Variants in PAPPA observed in about 807,000 individuals in gnomAD.
The protein encoded by PAPPA is pappalysin-1.
In PAPPA, 60 loss-of-function variants were observed where a neutral mutation model predicts 164.0. That is an observed-to-expected ratio of 0.37 (90% confidence interval 0.30 to 0.45). The LOEUF (loss-of-function observed/expected upper bound fraction) is 0.45. PAPPA is among the 20% of genes least tolerant of loss of function. The pLI is 1.00. For synonymous variants in PAPPA, 875 were observed against 814.1 expected, an observed-to-expected ratio of 1.07 and a Z score of -1.27; for missense variants, 1,782 against 2,087.3, an observed-to-expected ratio of 0.85 and a Z score of 2.85.
chr9:116,281,062 G>GA (rs558220291), intron 9 of PAPPA, among the ~76,000 whole-genome samples: 8 of 152,106 alleles, frequency 5.3e-5, no homozygotes, highest in Non-Finnish European at 1.2e-4. Context: ...AGCACAAATA[G>GA]AAAAAACAAT....
chr9:116,161,532 G>C (rs1843664613), intron 1 of PAPPA, among the ~76,000 whole-genome samples: 2 of 152,134 alleles, frequency 1.3e-5, no homozygotes, highest in Non-Finnish European at 2.9e-5. Context: ...CCATTACAAA[G>C]AGTTTAAATG....
intron 2 of PAPPA, among the ~76,000 whole-genome samples, chr9:116,189,300 G>A (rs1164419207): frequency 1.3e-5 from 2 of 152,144 alleles, no homozygotes; most frequent in Admixed American, 1.3e-4. Flanking sequence ...AAAAGAAAAT[G>A]GATGACTTAA....
At chr9:116,218,091 G>C (rs1844398262) in intron 4 of PAPPA, among the ~76,000 whole-genome samples, 1 of 152,168 alleles carries the variant, frequency 6.6e-6, no homozygotes, top group African/African-American at 2.4e-5. Context: ...GTGGGATCTG[G>C]GTTTGAGAGA....
intron 1 of PAPPA, among the ~76,000 whole-genome samples, chr9:116,173,150 A>T (rs1843792498): frequency 6.6e-6 from 1 of 152,196 alleles, no homozygotes; most frequent in African/African-American, 2.4e-5. Flanking sequence ...GTGCAACAAA[A>T]TTTAAATTAT....
chr9:116,153,863 TATAAA>T lies in PAPPA; in HGVS notation c.-302_-298del, dbSNP rs1412626652. The T allele has an allele frequency of 6.1e-6, 1 of 164,884 alleles. No individual in the cohort carries two copies. The highest frequency in any genetic ancestry group is 1.3e-5 in the Non-Finnish European group (1 of 77,968). 10.2% of individuals were successfully genotyped at this position (164,884 alleles called of 1,614,324 possible). A position where few individuals can be genotyped will look rare whatever the true frequency, so the allele number is the denominator to read the frequency against. On this transcript the variant is annotated 5_prime_UTR_variant, in exon 1 of 22. It adds an upstream start codon to the 5' untranslated region. Coordinates refer to ENST00000328252, the MANE Select transcript of PAPPA (RefSeq NM_002581.5). ...AGCTTTTTTTTGGAGCGAGAAATCA[TATAAA>T]ATAAAATGAAATAAAACAAGGAGGA...
intron 20 of PAPPA, among the ~76,000 whole-genome samples, chr9:116,378,738 A>C (rs1846688044): frequency 6.6e-6 from 1 of 152,196 alleles, no homozygotes; most frequent in African/African-American, 2.4e-5. Flanking sequence ...GGAATGTCCA[A>C]GTTTGCACAG....
At chr9:116,242,170 G>C (rs569477162) in intron 7 of PAPPA, among the ~76,000 whole-genome samples, 1 of 152,062 alleles carries the variant, frequency 6.6e-6, no homozygotes, top group Non-Finnish European at 1.5e-5. Context: ...TGAGGAGCAC[G>C]GGGGGCAGGG....
intron 19 of PAPPA, among the ~76,000 whole-genome samples, chr9:116,375,633 A>G (rs767079516): frequency 2.3e-4 from 35 of 152,318 alleles, no homozygotes; most frequent in Non-Finnish European, 4.1e-4. Context: ...TGTGAACCTG[A>G]GATTTTATGG....
In PAPPA at chr9:116,160,651, A is replaced by G. The variant is rs910801422; in HGVS notation, c.415+6064A>G. On this transcript the variant is annotated intron_variant, in intron 1 of 21. Transcript: ENST00000328252. Reference sequence around the variant, plus strand: ...CTTGTATCTTATCTACCTGTGGCTGAGGGCTCGGGAATCCAGTAGGTATCT... The same window carrying G: ...CTTGTATCTTATCTACCTGTGGCTGGGGGCTCGGGAATCCAGTAGGTATCT... Among the ~76,000 whole-genome samples, 14 of 152,326 alleles carry G rather than the reference A, an allele frequency of 9.2e-5. No homozygotes were observed. The South Asian group carries it at 2.5e-3, about 27-fold the overall frequency.
intron 21 of PAPPA, among the ~76,000 whole-genome samples, chr9:116,391,110 A>G (rs1372865941): frequency 6.6e-6 from 1 of 152,174 alleles, no homozygotes; most frequent in Admixed American, 6.5e-5. Flanking sequence ...CCTCTAGGCC[A>G]GTGCTTTCCT....
intron 1 of PAPPA, among the ~76,000 whole-genome samples, chr9:116,163,523 G>C (rs945226504): frequency 4.6e-5 from 7 of 152,180 alleles, no homozygotes; most frequent in African/African-American, 1.7e-4. Flanking sequence ...TTTCACATCT[G>C]AACTTTGTGG....
intron 7 of PAPPA, among the ~76,000 whole-genome samples, chr9:116,260,568 G>A (rs992913867): frequency 2.0e-5 from 3 of 151,306 alleles, no homozygotes; most frequent in Non-Finnish European, 4.4e-5. Context: ...CAGACAATCT[G>A]GGTGGTAGGT....
At chr9:116,295,877 C>A (rs1030117518) in intron 9 of PAPPA, among the ~76,000 whole-genome samples, 2 of 152,186 alleles carry the variant, frequency 1.3e-5, no homozygotes, top group African/African-American at 2.4e-5. Flanking sequence ...GATTCATTAA[C>A]GTATTTCCAG....
At position 116,268,219 on chromosome 9, in the gene PAPPA, C is replaced by T. The variant is rs1450076109; in HGVS notation, c.2861+2234C>T. 2.6e-5 allele frequency among the ~76,000 whole-genome samples: 4 copies of T among 152,186 alleles called. No homozygotes were observed. The East Asian group carries it at 7.7e-4, about 29-fold the overall frequency. ...CTCCTCACTTGTTTGAGCTATTTAACATACAATGCTGTATGTATTTAAGAT... is the reference window on the plus strand; with the variant it reads ...CTCCTCACTTGTTTGAGCTATTTAATATACAATGCTGTATGTATTTAAGAT... On this transcript the variant is annotated intron_variant, in intron 8 of 21. Transcript: ENST00000328252.
At position 116,154,420 on chromosome 9, in the gene PAPPA, C is replaced by A; in HGVS notation, c.248C>A (p.Ala83Glu). The change falls in exon 1 of 22, where the codon GCG (alanine) becomes GAG (glutamate). Residue 83 changes from alanine to glutamate, a missense_variant. Coordinates refer to ENST00000328252, the MANE Select transcript of PAPPA (RefSeq NM_002581.5). The surrounding 1 kb of genome is among the most constrained non-coding windows in gnomAD (Gnocchi z 5.2). ...CCCCGGCGGCGGCAGCAGCGGGAGG[C>A]GAGGGGCGCCACCGAGGAGCCGAGC... ...RVPRRRQQRE[A>E]RGATEEPSPP... 6 of 1,233,078 alleles carry A rather than the reference C, an allele frequency of 4.9e-6. No homozygotes were observed. The highest frequency in any genetic ancestry group is 6.1e-6 in the Non-Finnish European group (6 of 977,270). 76.4% of individuals were successfully genotyped at this position (1,233,078 alleles called of 1,614,324 possible).
intron 10 of PAPPA, among the ~76,000 whole-genome samples, chr9:116,329,144 T>A (rs980684121): frequency 6.6e-6 from 1 of 152,092 alleles, no homozygotes; most frequent in Non-Finnish European, 1.5e-5. Context: ...GATTTATAGA[T>A]GGGATTCCCA....
intron 9 of PAPPA, among the ~76,000 whole-genome samples, chr9:116,279,898 C>T (rs1845246856): frequency 6.6e-6 from 1 of 152,128 alleles, no homozygotes; most frequent in African/African-American, 2.4e-5. Context: ...GAGCTGTGAT[C>T]TCTACTTGAA....
chr9:116,365,750 T>C (rs1846493290), intron 18 of PAPPA, among the ~76,000 whole-genome samples: 1 of 152,112 alleles, frequency 6.6e-6, no homozygotes. Context: ...TTGCTCCTTA[T>C]TCTCATCACT....
In PAPPA at chr9:116,211,834, C is replaced by T; in HGVS notation, c.1820C>T (p.Pro607Leu). The change falls in exon 4 of 22, where the codon CCT (proline) becomes CTT (leucine). Residue 607 changes from proline (P) to leucine (L), a missense_variant. Pro to Leu is a moderately conservative substitution (Grantham distance 98, BLOSUM62 -3). Transcript: ENST00000328252. ...GDLCNDTNPA[P>L]KHKSCGDPGP... ...CTCTGCAATGATACCAACCCAGCCC[C>T]TAAACACAAGTCCTGTGGTGACCCA... The T allele has an allele frequency of 1.2e-6, 2 of 1,614,128 alleles. No homozygotes were observed. The highest frequency in any genetic ancestry group is 1.7e-6 in the Non-Finnish European group (2 of 1,179,984).
Sources: allele counts gnomAD v4.1 joint callset (sites outside exome capture counted in the v4.1 genomes callset), GRCh38; gene constraint gnomAD v4.1.1; non-coding constraint Gnocchi (gnomAD v3.1); transcripts MANE v1.5; gene names NCBI Gene and HGNC (gene_info 2026-07-23, HGNC 2026-07-21).